Variants in SPOCK1 observed in about 807,000 individuals in gnomAD.
SPOCK1 encodes the protein SPARC (osteonectin), cwcv and kazal like domains proteoglycan 1.
In SPOCK1, 23 loss-of-function variants were observed where a neutral mutation model predicts 55.3. That is an observed-to-expected ratio of 0.42 (90% CI 0.30 to 0.59). The LOEUF (loss-of-function observed/expected upper bound fraction) is 0.59. SPOCK1 is among the 20% of genes least tolerant of loss of function. SPOCK1 has a pLI of 0.22. For missense variants in SPOCK1, 499 were observed against 552.5 expected, an observed-to-expected ratio of 0.90 and a Z score of 0.97; for synonymous variants, 226 against 221.0, an observed-to-expected ratio of 1.02 and a Z score of -0.20.
chr5:136,978,947 C>T (rs112712856), intron 10 of SPOCK1, 103 bp from the exon 11 acceptor site: 64 of 1,279,812 alleles, frequency 5.0e-5, no homozygotes, highest in African/African-American at 3.9e-4. Flanking sequence ...AAGCAGTTTA[C>T]TTTCTGAAAA....
At chr5:137,099,551 C>G (rs769849498) in intron 5 of SPOCK1, among the ~76,000 whole-genome samples, 12 of 149,774 alleles carry the variant, frequency 8.0e-5, no homozygotes, top group Admixed American at 1.3e-4. Context: ...GTTTTACTAA[C>G]AGATTTAAAA....
intron 2 of SPOCK1, among the ~76,000 whole-genome samples, chr5:137,420,177 G>A (rs1303214680): frequency 2.0e-5 from 3 of 152,188 alleles, no homozygotes; most frequent in African/African-American, 7.2e-5. Flanking sequence ...GCTTTTTGAT[G>A]TGCTGCTGCA....
intron 2 of SPOCK1, among the ~76,000 whole-genome samples, chr5:137,420,238 G>T (rs1211621758): frequency 9.2e-5 from 14 of 152,312 alleles, no homozygotes; most frequent in Non-Finnish European, 1.5e-5. Context: ...GTTCATCAGG[G>T]ATATTGGTCT....
At chr5:137,181,430 A>G (rs759607596) in intron 3 of SPOCK1, among the ~76,000 whole-genome samples, 3 of 152,228 alleles carry the variant, frequency 2.0e-5, no homozygotes, top group Admixed American at 6.5e-5. Flanking sequence ...TAGAAGCACC[A>G]ATCAACAGGG....
At chr5:137,306,353 G>A (rs930268263) in intron 2 of SPOCK1, among the ~76,000 whole-genome samples, 1 of 152,164 alleles carries the variant, frequency 6.6e-6, no homozygotes, top group African/African-American at 2.4e-5. Flanking sequence ...AACGCAGCAT[G>A]TACAATCACA....
At chr5:137,218,019 T>C (rs1170384854) in intron 3 of SPOCK1, among the ~76,000 whole-genome samples, 2 of 152,182 alleles carry the variant, frequency 1.3e-5, no homozygotes, top group East Asian at 1.9e-4. Context: ...CAGCTCAGGA[T>C]TGCCAACACT....
At chr5:137,163,362 T>A (rs879608358) in intron 3 of SPOCK1, among the ~76,000 whole-genome samples, 1 of 152,138 alleles carries the variant, frequency 6.6e-6, no homozygotes, top group Non-Finnish European at 1.5e-5. Context: ...CTAAGATACA[T>A]CTGGTACCCT....
intron 2 of SPOCK1, among the ~76,000 whole-genome samples, chr5:137,479,321 G>A (rs192780500): frequency 6.6e-6 from 1 of 152,282 alleles, no homozygotes; most frequent in East Asian, 1.9e-4. Context: ...AGAGTTTAGG[G>A]AGCATCATAA....
chr5:137,065,773 TG>T (rs2127005284), intron 6 of SPOCK1, among the ~76,000 whole-genome samples: 1 of 152,348 alleles, frequency 6.6e-6, no homozygotes, highest in Non-Finnish European at 1.5e-5. Flanking sequence ...GATTTTTAAA[TG>T]GTAATCTTGT....
chr5:137,248,258 C>T lies in SPOCK1; in HGVS notation c.232+18752G>A, dbSNP rs142189829. ...ATAGCATCTTAATCTTTACACCCTA[C>T]TACTTAGCCCCTGATATTATAAAGC... On this transcript the variant is annotated intron_variant, in intron 3 of 10. Transcript: ENST00000394945. 7.9e-3 allele frequency among the ~76,000 whole-genome samples: 1,200 copies of T among 152,330 alleles called. 15 individuals are homozygous for T. The highest frequency in any genetic ancestry group is 0.034 in the Middle Eastern group (10 of 294).
intron 3 of SPOCK1, among the ~76,000 whole-genome samples, chr5:137,181,660 T>C (rs1240809427): frequency 6.6e-6 from 1 of 152,080 alleles, no homozygotes; most frequent in East Asian, 1.9e-4. Context: ...GGAAACAGGG[T>C]CCCCACGGGC....
At chr5:137,303,362 C>G (rs1397672039) in intron 2 of SPOCK1, among the ~76,000 whole-genome samples, 1 of 151,896 alleles carries the variant, frequency 6.6e-6, no homozygotes, top group African/African-American at 2.4e-5. Flanking sequence ...TACTAGATGC[C>G]TCACATACAT....
chr5:136,989,967 G>A (rs1382266155), intron 7 of SPOCK1, among the ~76,000 whole-genome samples: 1 of 151,958 alleles, frequency 6.6e-6, no homozygotes, highest in Non-Finnish European at 1.5e-5. Flanking sequence ...CTGGAGTGCA[G>A]TGGCACCATC....
At chr5:137,225,579 G>T (rs993613527) in intron 3 of SPOCK1, among the ~76,000 whole-genome samples, 9 of 152,036 alleles carry the variant, frequency 5.9e-5, no homozygotes, top group African/African-American at 1.9e-4. Context: ...TAGACCTTCC[G>T]CACTCTCAAA....
chr5:137,460,853 G>T (rs1397482511), intron 2 of SPOCK1, among the ~76,000 whole-genome samples: 2 of 151,992 alleles, frequency 1.3e-5, no homozygotes, highest in Non-Finnish European at 2.9e-5. Flanking sequence ...CCACCTCTGG[G>T]CCTCTGCGTT....
At chr5:137,180,239 A>G (rs1754944162) in intron 3 of SPOCK1, among the ~76,000 whole-genome samples, 1 of 152,166 alleles carries the variant, frequency 6.6e-6, no homozygotes, top group Non-Finnish European at 1.5e-5. Flanking sequence ...TTGTTGAGCC[A>G]AGTGTAACAT....
intron 2 of SPOCK1, among the ~76,000 whole-genome samples, chr5:137,497,418 T>C (rs1360619647): frequency 6.6e-6 from 1 of 152,248 alleles, no homozygotes; most frequent in African/African-American, 2.4e-5. Context: ...TTAAGGCTTC[T>C]CAGAAACAGG....
intron 2 of SPOCK1, among the ~76,000 whole-genome samples, chr5:137,346,929 C>T (rs1450999282): frequency 6.6e-6 from 1 of 152,178 alleles, no homozygotes; most frequent in African/African-American, 2.4e-5. Flanking sequence ...GAAAAAGTTA[C>T]TCAGACCTCC....
At chr5:137,387,310 G>T (rs1751617107) in intron 2 of SPOCK1, among the ~76,000 whole-genome samples, 1 of 152,156 alleles carries the variant, frequency 6.6e-6, no homozygotes, top group African/African-American at 2.4e-5. Flanking sequence ...TCTTTCCAAA[G>T]GAATTGAAAA....
Sources: allele counts gnomAD v4.1 joint callset (sites outside exome capture counted in the v4.1 genomes callset), GRCh38; gene constraint gnomAD v4.1.1; transcripts MANE v1.5; gene names NCBI Gene and HGNC (gene_info 2026-07-23, HGNC 2026-07-21).